The following APOBEC3G variants were observed in gnomAD, a reference collection of about 807,000 sequenced individuals.
The protein encoded by APOBEC3G is DNA dC->dU-editing enzyme APOBEC-3G.
APOBEC3G carries 44 observed loss-of-function variants against 50.0 expected under a neutral mutation model. That is an observed-to-expected ratio of 0.88 (90% confidence interval 0.69 to 1.13). APOBEC3G has a LOEUF of 1.13. APOBEC3G is among the 50% of genes most tolerant of loss of function. APOBEC3G has a pLI of 0.00. For synonymous variants in APOBEC3G, 156 were observed against 175.3 expected (o/e 0.89, Z 0.87); for missense variants, 469 against 492.0 (o/e 0.95, Z 0.44).
At chr22:39,085,824 T>A (rs749076723) in intron 5 of APOBEC3G, among the ~76,000 whole-genome samples, 23 of 151,252 alleles carry the variant, frequency 1.5e-4, no homozygotes, top group South Asian at 6.3e-4. Flanking sequence ...GAGGTGGAGG[T>A]TGCAGTGAGC....
At chr22:39,083,667 G>T (rs1192918819) in intron 4 of APOBEC3G, 64 bp from the exon 5 acceptor site, 10 of 1,564,054 alleles carry the variant, frequency 6.4e-6, no homozygotes, top group Non-Finnish European at 8.7e-6. Flanking sequence ...GCGTGGAGAG[G>T]GAGGGGGAGG....
chr22:39,087,520 C>G lies in APOBEC3G; in HGVS notation c.*99C>G, dbSNP rs150768394. ...ATGCAAACAGGCTGTTCACCACCAT[C>G]TCCAGCTGATCACAGACACCAGCAA... On this transcript the variant is annotated 3_prime_UTR_variant, in exon 8 of 8. Transcript: ENST00000407997. 22 of 1,606,172 alleles carry G rather than the reference C, an allele frequency of 1.4e-5. 1 individual carries two copies. In the East Asian group the frequency reaches 4.0e-4, roughly 29 times the overall value.
intron 4 of APOBEC3G, chr22:39,082,704 T>C (rs1297605708): frequency 6.6e-6 from 1 of 152,166 alleles, no homozygotes; most frequent in Non-Finnish European, 1.5e-5. Flanking sequence ...CTTCAATACA[T>C]TGATTTTGGG....
At chr22:39,078,720 C>T (rs200457431) in intron 1 of APOBEC3G, 5 of 564,056 alleles carry the variant, frequency 8.9e-6, no homozygotes, top group Admixed American at 3.5e-5. Flanking sequence ...CTCTCTCTCT[C>T]TTTTTTTTTG....
chr22:39,085,171 C>A (rs1402451022), intron 5 of APOBEC3G, among the ~76,000 whole-genome samples: 1 of 152,206 alleles, frequency 6.6e-6, no homozygotes, highest in Non-Finnish European at 1.5e-5. Context: ...ACCATCATTC[C>A]TTGGGCTCAA....
chr22:39,078,755 C>T, intron 1 of APOBEC3G, 177 bp from the exon 2 acceptor site: 1 of 769,186 alleles, frequency 1.3e-6, no homozygotes, highest in Non-Finnish European at 2.0e-6. Flanking sequence ...TCTTGTCGCC[C>T]AGGCTGGAGT....
Position 39,077,383 on chromosome 22 carries a change from C to T in APOBEC3G, c.17+5C>T, listed in dbSNP as rs771633775. The T allele has an allele frequency of 1.3e-5, 20 of 1,581,786 alleles. No individual in the cohort carries two copies. The highest frequency in any genetic ancestry group is 4.0e-5 in the African/African-American group (3 of 74,374). On this transcript the variant is annotated splice_donor_5th_base_variant and intron_variant, in intron 1 of 7. Coordinates refer to ENST00000407997, the MANE Select transcript of APOBEC3G (RefSeq NM_021822.4). ...AAGGATGAAGCCTCACTTCAGGTAC[C>T]GCTGCCCGCTCTACCCACTGGGCCC...
At chr22:39,077,627 A>G (rs1324752518) in intron 1 of APOBEC3G, among the ~76,000 whole-genome samples, 3 of 151,438 alleles carry the variant, frequency 2.0e-5, no homozygotes, top group African/African-American at 7.3e-5. Flanking sequence ...CTCTCCCCTG[A>G]AAGTCATGGC....
At chr22:39,081,850 C>T (rs1928477823) in intron 4 of APOBEC3G, 2 of 422,876 alleles carry the variant, frequency 4.7e-6, no homozygotes, top group South Asian at 3.1e-5. Flanking sequence ...TCCACCCCCA[C>T]AGCCTGGGAG....
chr22:39,077,116 T>G, upstream of APOBEC3G: 1 of 616,042 alleles, frequency 1.6e-6, no homozygotes, highest in Admixed American at 2.9e-5. Flanking sequence ...CGGCCTGTCT[T>G]TATCAGAGGT....
chr22:39,081,387 A>G (rs911049498), intron 3 of APOBEC3G, 84 bp from the exon 4 acceptor site: 2 of 1,532,860 alleles, frequency 1.3e-6, no homozygotes, highest in Non-Finnish European at 1.8e-6. Flanking sequence ...ACTAGTATCT[A>G]GAATATGTCT....
chr22:39,086,887 G>A, intron 6 of APOBEC3G, 124 bp from the exon 7 acceptor site: 1 of 1,192,982 alleles, frequency 8.4e-7, no homozygotes, highest in Non-Finnish European at 1.2e-6. Flanking sequence ...AGTCCCTAGG[G>A]GAGGGAGAGG....
Position 39,086,369 on chromosome 22 carries a change from G to A in APOBEC3G, c.826G>A (p.Asp276Asn). The A allele has an allele frequency of 1.2e-6, 2 of 1,614,116 alleles. No homozygotes were observed. The highest frequency in any genetic ancestry group is 1.7e-6 in the Non-Finnish European group (2 of 1,179,990). Reference protein sequence around the residue: ...IPFWKLDLDQDYRVTCFTSWS... With the variant: ...IPFWKLDLDQNYRVTCFTSWS... ...CTTTTGGAAGCTGGACCTGGACCAG[G>A]ACTACAGGGTTACCTGCTTCACCTC... The change falls in exon 6 of 8, where the codon GAC becomes AAC. Residue 276 changes from aspartate to asparagine, a missense_variant. By Grantham distance (23) the Asp-to-Asn change is conservative. Transcript: ENST00000407997.
chr22:39,077,357 C>A lies in APOBEC3G; in HGVS notation c.-5C>A. The A allele has an allele frequency of 6.3e-7, 1 of 1,579,554 alleles. No individual in the cohort carries two copies. The highest frequency in any genetic ancestry group is 8.6e-7 in the Non-Finnish European group (1 of 1,162,258). ...AAGATCTTAGTCGGGACTAGCCGGC[C>A]AAGGATGAAGCCTCACTTCAGGTAC... On this transcript the variant is annotated 5_prime_UTR_variant, in exon 1 of 8. Coordinates refer to ENST00000407997, the MANE Select transcript of APOBEC3G (RefSeq NM_021822.4).
rs371155567 is a variant in APOBEC3G, at chr22:39,087,400, C to G, written c.1141-7C>G. 1.6e-5 allele frequency: 26 copies of G among 1,613,992 alleles called. No individual in the cohort carries two copies. In the African/African-American group the frequency reaches 3.1e-4, roughly 19 times the overall value. On this transcript the variant is annotated splice_polypyrimidine_tract_variant and splice_region_variant and intron_variant, in intron 7 of 7. Transcript: ENST00000407997. ...CTTTGCTCCATTCAACCTCCCTGCT[C>G]TTCCAGAATCAGGAAAACTGAAGGA...
At chr22:39,082,393 G>A (rs17537568) in intron 4 of APOBEC3G, 3,973 of 152,376 alleles carry the variant, frequency 0.026, 73 homozygotes, top group East Asian at 0.067. Context: ...GGAGTCCAAG[G>A]CGGGTGGATC....
Position 39,087,695 on chromosome 22 carries a change from A to C in APOBEC3G, c.*274A>C. 1.8e-6 allele frequency: 1 copy of C among 558,356 alleles called. No individual in the cohort carries two copies. Among genetic ancestry groups the C allele is most frequent in the Non-Finnish European group, 3.1e-6 (1 of 327,208 alleles). 34.6% of individuals were successfully genotyped at this position (558,356 alleles called of 1,614,324 possible). A position where few individuals can be genotyped will look rare whatever the true frequency, so the allele number is the denominator to read the frequency against. ...ACCTACTAATCCAGCGACAATTTGAATCGGTTTTGTAGGTAGAGGAATAAA... is the reference window on the plus strand; with the variant it reads ...ACCTACTAATCCAGCGACAATTTGACTCGGTTTTGTAGGTAGAGGAATAAA... On this transcript the variant is annotated 3_prime_UTR_variant, in exon 8 of 8. Transcript: ENST00000407997.
intron 5 of APOBEC3G, among the ~76,000 whole-genome samples, chr22:39,084,682 C>T (rs1197446986): frequency 6.6e-6 from 1 of 152,188 alleles, no homozygotes; most frequent in Non-Finnish European, 1.5e-5. Flanking sequence ...TGGGCTTCAT[C>T]CTGCGGGAAA....
chr22:39,080,876 C>A, intron 2 of APOBEC3G, 57 bp from the exon 3 acceptor site: 1 of 1,437,824 alleles, frequency 7.0e-7, no homozygotes, highest in Non-Finnish European at 9.5e-7. Context: ...CTGCCCCACC[C>A]CTGCTCTCCT....
Sources: allele counts gnomAD v4.1 joint callset (sites outside exome capture counted in the v4.1 genomes callset), GRCh38; gene constraint gnomAD v4.1.1; transcripts MANE v1.5; gene names NCBI Gene and HGNC (gene_info 2026-07-23, HGNC 2026-07-21).